Variants in SSH2 observed in about 807,000 individuals in gnomAD.
SSH2 encodes the protein protein phosphatase Slingshot homolog 2.
In SSH2, 37 loss-of-function variants were observed where a neutral mutation model predicts 135.2. The ratio of observed to expected loss-of-function variants is 0.27; its 90% CI spans 0.21 to 0.36. The LOEUF (loss-of-function observed/expected upper bound fraction) is 0.36. Ranked by LOEUF, SSH2 falls within the 10% of genes least tolerant of loss-of-function variation. SSH2 has a pLI of 1.00. For synonymous variants in SSH2, 628 were observed against 646.2 expected (o/e 0.97, Z 0.43); for missense variants, 1,408 against 1,765.3 (o/e 0.80, Z 3.63).
intron 4 of SSH2, among the ~76,000 whole-genome samples, chr17:29,702,285 G>A (rs1471793089): frequency 2.6e-5 from 4 of 151,748 alleles, no homozygotes; most frequent in South Asian, 2.1e-4. Flanking sequence ...TCCAGGAGGC[G>A]GAGGTTGCAA....
chr17:29,915,847 T>C (rs1204827920), intron 1 of SSH2, among the ~76,000 whole-genome samples: 1 of 151,758 alleles, frequency 6.6e-6, no homozygotes, highest in Non-Finnish European at 1.5e-5. Context: ...ATTTTTATTA[T>C]ACTTTAAGTT....
At chr17:29,680,551 CAAAAAAAAAAA>C (rs1160865828) in intron 6 of SSH2, among the ~76,000 whole-genome samples, 86 of 21,538 alleles carry the variant, frequency 4.0e-3, no homozygotes, top group Admixed American at 5.4e-3. Flanking sequence ...GACTCCCTCT[CAAAAAAAAAAA>C]AAAAAAAAAA....
intron 1 of SSH2, among the ~76,000 whole-genome samples, chr17:29,908,849 C>T (rs895096298): frequency 2.1e-5 from 3 of 145,898 alleles, no homozygotes; most frequent in African/African-American, 2.6e-5. Flanking sequence ...GAGGCCAAGG[C>T]GGGTGGGTCA....
chr17:29,766,580 G>C (rs952168574), intron 3 of SSH2, among the ~76,000 whole-genome samples: 1 of 152,052 alleles, frequency 6.6e-6, no homozygotes, highest in Non-Finnish European at 1.5e-5. Flanking sequence ...CATTAACTCA[G>C]TATTACCGTC....
At chr17:29,666,804 C>A in intron 11 of SSH2, 63 bp downstream of exon 11, 2 of 1,471,728 alleles carry the variant, frequency 1.4e-6, no homozygotes, top group South Asian at 1.3e-5. Context: ...TAATAATTAC[C>A]CCTGCCCATG....
intron 1 of SSH2, among the ~76,000 whole-genome samples, chr17:29,903,594 A>G (rs2151463003): frequency 6.6e-6 from 1 of 152,292 alleles, no homozygotes; most frequent in African/African-American, 2.4e-5. Context: ...TCTCCCTGAT[A>G]AATCCCTTAG....
intron 14 of SSH2, chr17:29,643,044 T>C (rs755669252): frequency 2.5e-6 from 2 of 815,444 alleles, no homozygotes; most frequent in Non-Finnish European, 3.0e-6. Flanking sequence ...GGACAGGAAA[T>C]GGACTTTCTC....
At chr17:29,735,624 G>A (rs1251228558) in intron 3 of SSH2, among the ~76,000 whole-genome samples, 2 of 151,272 alleles carry the variant, frequency 1.3e-5, no homozygotes, top group Non-Finnish European at 2.9e-5. Context: ...TTGAACCTGG[G>A]AGGTGGAGGT....
chr17:29,772,152 TA>T (rs1413381459), intron 3 of SSH2, among the ~76,000 whole-genome samples: 6 of 151,530 alleles, frequency 4.0e-5, no homozygotes, highest in African/African-American at 1.5e-4. Context: ...CACAGCAACC[TA>T]AAAGGATAGA....
chr17:29,764,002 T>G (rs905390826), intron 3 of SSH2, among the ~76,000 whole-genome samples: 37 of 150,306 alleles, frequency 2.5e-4, no homozygotes, highest in South Asian at 6.3e-4. Flanking sequence ...CACGCTGGAG[T>G]GCAATGGCGC....
chr17:29,755,305 A>G (rs1418967364), intron 3 of SSH2, among the ~76,000 whole-genome samples: 2 of 152,210 alleles, frequency 1.3e-5, no homozygotes, highest in Admixed American at 6.5e-5. Flanking sequence ...TTTTTCTAGT[A>G]GAATTAACAC....
intron 2 of SSH2, among the ~76,000 whole-genome samples, chr17:29,846,372 CTGGTA>C (rs1280110861): frequency 6.6e-6 from 1 of 152,164 alleles, no homozygotes; most frequent in African/African-American, 2.4e-5. Flanking sequence ...TATAAGGAGA[CTGGTA>C]CATATTCCAT....
In SSH2 at chr17:29,761,843, A is replaced by ATGTG. The variant is rs752691137; in HGVS notation, c.188+32047_188+32050dup. Among the ~76,000 whole-genome samples, 378 of 142,508 alleles carry ATGTG rather than the reference A, an allele frequency of 2.7e-3. 1 individual carries two copies. The highest frequency in any genetic ancestry group is 7.6e-3 in the African/African-American group (280 of 37,072). 93.5% of individuals were successfully genotyped at this position (142,508 alleles called of 152,430 possible). ...ATTCAGAGATTACACTCACATACAT[A>ATGTG]TGTGTGTGTGTGTGTGTGTGTGTGT... is the stretch of plus-strand genomic sequence containing the variant. On this transcript the variant is annotated intron_variant, in intron 3 of 15. Coordinates refer to ENST00000540801, the MANE Select transcript of SSH2 (RefSeq NM_001282129.2).
intron 1 of SSH2, among the ~76,000 whole-genome samples, chr17:29,864,697 G>GT (rs77325851): frequency 0.42 from 62,188 of 149,532 alleles, 14,854 homozygotes; most frequent in East Asian, 0.69. Flanking sequence ...AGTTTTGTTT[G>GT]TTTTTTGTTT....
intron 1 of SSH2, among the ~76,000 whole-genome samples, chr17:29,866,318 A>G (rs78961978): frequency 1.3e-5 from 2 of 152,116 alleles, no homozygotes; most frequent in African/African-American, 2.4e-5. Context: ...CAAAACTACC[A>G]AAAGCAAAGT....
intron 1 of SSH2, among the ~76,000 whole-genome samples, chr17:29,897,559 G>T (rs991175270): frequency 2.0e-5 from 3 of 152,034 alleles, no homozygotes; most frequent in Non-Finnish European, 4.4e-5. Context: ...AAAGGGATCA[G>T]TTCAACAAGA....
intron 3 of SSH2, among the ~76,000 whole-genome samples, chr17:29,779,341 C>T (rs943701993): frequency 6.6e-6 from 1 of 152,086 alleles, no homozygotes; most frequent in Admixed American, 6.6e-5. Flanking sequence ...GGAAAAGAGG[C>T]TTTAAAGGTG....
intron 1 of SSH2, among the ~76,000 whole-genome samples, chr17:29,917,552 A>AT (rs1336758869): frequency 1.3e-5 from 2 of 152,222 alleles, no homozygotes; most frequent in African/African-American, 4.8e-5. Context: ...AACTGCCTTC[A>AT]TATCAAGTAC....
intron 2 of SSH2, among the ~76,000 whole-genome samples, chr17:29,822,562 A>G (rs2042673243): frequency 6.6e-6 from 1 of 151,756 alleles, no homozygotes; most frequent in Admixed American, 6.6e-5. Flanking sequence ...GAATCTTGCC[A>G]TGTTTCCCAG....
Sources: gnomAD v4.1 joint callset for allele counts (sites outside exome capture counted in the v4.1 genomes callset) on GRCh38, gnomAD v4.1.1 for gene constraint, MANE v1.5 for transcripts, NCBI Gene and HGNC (gene_info 2026-07-23, HGNC 2026-07-21) for gene names.